The following ADAD1 variants were observed in gnomAD, a reference collection of about 807,000 sequenced individuals.
ADAD1 encodes adenosine deaminase domain-containing protein 1.
In ADAD1, 46 loss-of-function variants were observed where a neutral mutation model predicts 66.8. The ratio of observed to expected loss-of-function variants is 0.69; its 90% CI spans 0.54 to 0.88. The LOEUF (loss-of-function observed/expected upper bound fraction) is 0.88. Among genes scored for constraint, ADAD1 ranks in the 40% least tolerant of loss-of-function variants. The probability of loss-of-function intolerance (pLI) is 0.00; values close to 1 mark genes in which losing one functional copy is unlikely to be tolerated. For missense variants in ADAD1, 617 were observed against 681.8 expected, an observed-to-expected ratio of 0.91 and a Z score of 1.06; for synonymous variants, 248 against 229.4, an observed-to-expected ratio of 1.08 and a Z score of -0.73.
intron 12 of ADAD1, among the ~76,000 whole-genome samples, chr4:122,422,753 A>G (rs1797060236): frequency 6.6e-6 from 1 of 152,078 alleles, no homozygotes; most frequent in Admixed American, 6.5e-5. Flanking sequence ...GACATTGACA[A>G]AAGGCAGAAA....
At chr4:122,407,533 T>C (rs984784162) in intron 7 of ADAD1, among the ~76,000 whole-genome samples, 2 of 152,174 alleles carry the variant, frequency 1.3e-5, no homozygotes, top group Non-Finnish European at 2.9e-5. Context: ...AGGCATTAAA[T>C]ATAGATAATT....
chr4:122,396,902 A>G (rs991998393), intron 7 of ADAD1, among the ~76,000 whole-genome samples: 1 of 152,190 alleles, frequency 6.6e-6, no homozygotes, highest in Non-Finnish European at 1.5e-5. Flanking sequence ...AAGTAGGCAG[A>G]GTAGATAAAT....
In ADAD1 at chr4:122,411,349, A is replaced by T. The variant is rs143785712; in HGVS notation, c.976A>T (p.Met326Leu). 6.2e-7 allele frequency: 1 copy of T among 1,613,188 alleles called. No homozygotes were observed. The highest frequency in any genetic ancestry group is 1.3e-5 in the African/African-American group (1 of 74,870). The change falls in exon 9 of 13, where the codon ATG becomes TTG. Residue 326 changes from methionine to leucine, a missense_variant. Coordinates refer to ENST00000296513, the MANE Select transcript of ADAD1 (RefSeq NM_139243.4). ...ACAGAATATCAACATTTGCCTTTAC[A>T]TGAACCAGTTGCCTAAAGGATCAGC... ...LKQNINICLY[M>L]NQLPKGSAQI...
chr4:122,391,296 T>G (rs140155062), intron 5 of ADAD1, among the ~76,000 whole-genome samples: 2 of 152,304 alleles, frequency 1.3e-5, no homozygotes, highest in African/African-American at 4.8e-5. Context: ...GGATCACTCC[T>G]GTATAAGGTG....
intron 5 of ADAD1, among the ~76,000 whole-genome samples, chr4:122,390,851 T>TA (rs1795400294): frequency 6.6e-6 from 1 of 152,254 alleles, no homozygotes; most frequent in Non-Finnish European, 1.5e-5. Context: ...TTCTGAATCC[T>TA]ACTTCTGTCA....
rs1156421969 is a variant in ADAD1 at position 122,415,463 on chromosome 4, T to A, written c.1334T>A (p.Met445Lys). Residue 445 changes from methionine (M) to lysine (K), a missense_variant, in exon 11 of 13, where the codon ATG becomes AAG. Coordinates refer to ENST00000296513, the MANE Select transcript of ADAD1 (RefSeq NM_139243.4). ...VDDALTSKLP[M>K]FYLVNRPHIS... Reference sequence around the variant, plus strand: ...GATGCACTCACTTCAAAACTTCCAATGTTTTACTTAGTCAACAGACCTCAT... The same window carrying A: ...GATGCACTCACTTCAAAACTTCCAAAGTTTTACTTAGTCAACAGACCTCAT... 1 of 1,613,940 alleles carries A rather than the reference T, an allele frequency of 6.2e-7. No homozygotes were observed. Among genetic ancestry groups the A allele is most frequent in the South Asian group, 1.1e-5 (1 of 91,076 alleles).
chr4:122,404,033 C>T (rs1190284623), intron 7 of ADAD1, among the ~76,000 whole-genome samples: 1 of 152,190 alleles, frequency 6.6e-6, no homozygotes, highest in Non-Finnish European at 1.5e-5. Flanking sequence ...GCCCCGCCAA[C>T]AGAGCCCAGT....
At chr4:122,382,617 C>G (rs952687586) in intron 4 of ADAD1, among the ~76,000 whole-genome samples, 2 of 152,114 alleles carry the variant, frequency 1.3e-5, no homozygotes, top group South Asian at 2.1e-4. Context: ...AGGAGTCTCA[C>G]TATATTGCCT....
intron 12 of ADAD1, among the ~76,000 whole-genome samples, chr4:122,425,644 A>T (rs1797197720): frequency 6.6e-6 from 1 of 151,886 alleles, no homozygotes; most frequent in Non-Finnish European, 1.5e-5. Context: ...ATACAAATAA[A>T]ATACAGTATA....
At chr4:122,381,270 A>G in intron 4 of ADAD1, 90 bp downstream of exon 4, 4 of 1,277,940 alleles carry the variant, frequency 3.1e-6, no homozygotes, top group Non-Finnish European at 4.2e-6. Context: ...CTAATATTGG[A>G]GTTAGGTAAC....
At chr4:122,395,726 A>G (rs943296317) in intron 6 of ADAD1, among the ~76,000 whole-genome samples, 4 of 151,744 alleles carry the variant, frequency 2.6e-5, no homozygotes, top group Non-Finnish European at 4.4e-5. Flanking sequence ...AAACTGTTCT[A>G]TGGTAATCCT....
chr4:122,405,470 C>T (rs1357511630), intron 7 of ADAD1, among the ~76,000 whole-genome samples: 1 of 152,100 alleles, frequency 6.6e-6, no homozygotes, highest in Non-Finnish European at 1.5e-5. Context: ...GTACCCACTG[C>T]CTGCATGTTG....
At chr4:122,412,454 T>C in intron 9 of ADAD1, 126 bp from the exon 10 acceptor site, 1 of 751,970 alleles carries the variant, frequency 1.3e-6, no homozygotes, top group South Asian at 1.8e-5. Flanking sequence ...TTGCATCTGT[T>C]TCTGTTACTG....
At chr4:122,384,956 C>T (rs377119290) in intron 5 of ADAD1, among the ~76,000 whole-genome samples, 4 of 152,058 alleles carry the variant, frequency 2.6e-5, no homozygotes, top group Non-Finnish European at 4.4e-5. Context: ...AGTTCTTTAA[C>T]GATATATTCT....
chr4:122,396,228 A>G (rs1430380437), intron 6 of ADAD1, 24 bp from the exon 7 acceptor site: 3 of 1,549,676 alleles, frequency 1.9e-6, no homozygotes, highest in African/African-American at 2.8e-5. Flanking sequence ...TGTTCTTGAA[A>G]TTTATGTTTT....
intron 7 of ADAD1, among the ~76,000 whole-genome samples, chr4:122,400,784 C>T (rs1795936656): frequency 1.3e-5 from 2 of 151,922 alleles, no homozygotes; most frequent in Non-Finnish European, 2.9e-5. Flanking sequence ...CTAGTTTGTG[C>T]ATGTGAAAGT....
intron 12 of ADAD1, among the ~76,000 whole-genome samples, chr4:122,425,933 TC>T (rs1797213565): frequency 6.6e-6 from 1 of 151,886 alleles, no homozygotes; most frequent in African/African-American, 2.4e-5. Flanking sequence ...AGCTTCCAGT[TC>T]AAGAAGCCAG....
chr4:122,428,575 T>G (rs1364892687), intron 12 of ADAD1, among the ~76,000 whole-genome samples: 1 of 152,216 alleles, frequency 6.6e-6, no homozygotes, highest in African/African-American at 2.4e-5. Context: ...CAATGGAATA[T>G]TAATCAGCAA....
chr4:122,383,307 T>A (rs76047133), intron 4 of ADAD1, among the ~76,000 whole-genome samples: 53 of 152,352 alleles, frequency 3.5e-4, no homozygotes, highest in African/African-American at 1.2e-3. Flanking sequence ...ACAGGGTTTC[T>A]TCAAAGAGAT....
Sources: allele counts gnomAD v4.1 joint callset (sites outside exome capture counted in the v4.1 genomes callset), GRCh38; gene constraint gnomAD v4.1.1; transcripts MANE v1.5; gene names NCBI Gene and HGNC (gene_info 2026-07-23, HGNC 2026-07-21).